Variants in GHR observed in about 807,000 individuals in gnomAD.
GHR encodes the protein GH receptor.
GHR carries 35 observed loss-of-function variants against 67.1 expected under a neutral mutation model. The observed-to-expected ratio is 0.52, with a 90% CI of 0.40 to 0.69. The LOEUF (loss-of-function observed/expected upper bound fraction) is 0.69. Ranked by LOEUF, GHR falls within the 30% of genes least tolerant of loss-of-function variation. The pLI is 0.00. For missense variants in GHR, 792 were observed against 764.6 expected (o/e 1.04, Z -0.42); for synonymous variants, 272 against 269.1 (o/e 1.01, Z -0.10).
rs980036515 is a variant in GHR, at chr5:42,477,357, T to G, written c.-12+53402T>G. ...CAATAAACATACGTGTGCATGTGTC[T>G]TTATAGCAGCATGATTTATAATCCT... is the stretch of plus-strand genomic sequence containing the variant. On this transcript the variant is annotated intron_variant, in intron 1 of 9. Coordinates refer to ENST00000230882, the MANE Select transcript of GHR (RefSeq NM_000163.5). 2.4e-4 allele frequency among the ~76,000 whole-genome samples: 36 copies of G among 152,208 alleles called. 1 individual carries two copies. The highest frequency in any genetic ancestry group is 1.3e-4 in the Non-Finnish European group (9 of 68,036).
At chr5:42,567,480 T>C (rs1374280866) in intron 2 of GHR, among the ~76,000 whole-genome samples, 2 of 152,210 alleles carry the variant, frequency 1.3e-5, no homozygotes, top group East Asian at 1.9e-4. Flanking sequence ...GTTTGATTCA[T>C]TTATTTGTTC....
chr5:42,650,677 A>T (rs1754980388), intron 3 of GHR, among the ~76,000 whole-genome samples: 1 of 151,098 alleles, frequency 6.6e-6, no homozygotes, highest in Non-Finnish European at 1.5e-5. Context: ...GGCGGCACTG[A>T]TGGTTGAAAT....
At chr5:42,576,121 AATAAAATAAAATAAAATAAAAT>A (rs1750710175) in intron 2 of GHR, among the ~76,000 whole-genome samples, 2 of 84,720 alleles carry the variant, frequency 2.4e-5, no homozygotes, top group African/African-American at 1.3e-4. Context: ...AATAAAATAA[AATAAAATAAAATAAAATAAAAT>A]AGTAAAGTAA....
chr5:42,564,863 T>A (rs1300179104), intron 1 of GHR, among the ~76,000 whole-genome samples: 1 of 152,206 alleles, frequency 6.6e-6, no homozygotes, highest in African/African-American at 2.4e-5. Flanking sequence ...TTGTAAATAG[T>A]GCAATTTTAT....
intron 1 of GHR, among the ~76,000 whole-genome samples, chr5:42,488,071 A>G (rs1745956597): frequency 6.6e-6 from 1 of 152,170 alleles, no homozygotes; most frequent in African/African-American, 2.4e-5. Context: ...TGCTGTGTGC[A>G]TGCTCTGGCT....
chr5:42,514,196 A>G (rs1360181138), intron 1 of GHR: 62 of 985,066 alleles, frequency 6.3e-5, no homozygotes, highest in Non-Finnish European at 7.2e-5. Flanking sequence ...TGCATTGACT[A>G]CCTACAAGTG....
chr5:42,586,013 C>T (rs573330063), intron 2 of GHR, among the ~76,000 whole-genome samples: 1 of 152,312 alleles, frequency 6.6e-6, no homozygotes, highest in East Asian at 1.9e-4. Context: ...TAGTGTCTAA[C>T]ACACAGAATT....
rs1754893866 is a variant in GHR, at chr5:42,649,183, C to T, written c.136+20080C>T. ...TCTCATCTGTAAACAAGTATAAATACTACCTACTTTATAAGCTCGTATGAA... is the reference window on the plus strand; with the variant it reads ...TCTCATCTGTAAACAAGTATAAATATTACCTACTTTATAAGCTCGTATGAA... On this transcript the variant is annotated intron_variant, in intron 3 of 9. Coordinates refer to ENST00000230882, the MANE Select transcript of GHR (RefSeq NM_000163.5). 2.0e-5 allele frequency among the ~76,000 whole-genome samples: 3 copies of T among 152,176 alleles called. No homozygotes were observed. In the South Asian group the frequency reaches 6.2e-4, roughly 31 times the overall value.
At position 42,425,604 on chromosome 5, in the gene GHR, G is replaced by A. The variant is rs145726041; in HGVS notation, c.-12+1649G>A. ...CCTTTTGAGAAAAGCAAAGCTCAGT[G>A]TTTCCAGATTAGATTTCAAGGAGTC... is the stretch of plus-strand genomic sequence containing the variant. On this transcript the variant is annotated intron_variant, in intron 1 of 9. Transcript: ENST00000230882. Among the ~76,000 whole-genome samples, 425 of 152,300 alleles carry A rather than the reference G, an allele frequency of 2.8e-3. 1 individual carries two copies. The highest frequency in any genetic ancestry group is 9.4e-3 in the African/African-American group (389 of 41,566).
chr5:42,591,284 G>C (rs1415067832), intron 2 of GHR, among the ~76,000 whole-genome samples: 1 of 152,248 alleles, frequency 6.6e-6, no homozygotes, highest in Non-Finnish European at 1.5e-5. Flanking sequence ...CATCAAAGGA[G>C]TGGCAGCAGC....
intron 1 of GHR, among the ~76,000 whole-genome samples, chr5:42,445,057 A>G (rs1743748303): frequency 1.3e-5 from 2 of 152,232 alleles, no homozygotes; most frequent in African/African-American, 4.8e-5. Context: ...CACATTTTTC[A>G]AATCAGAAAG....
chr5:42,561,026 C>T (rs73751211), intron 1 of GHR, among the ~76,000 whole-genome samples: 4,114 of 152,212 alleles, frequency 0.027, 194 homozygotes, highest in African/African-American at 0.094. Context: ...ATTTTAGGCC[C>T]TTTTATTCGT....
intron 1 of GHR, among the ~76,000 whole-genome samples, chr5:42,563,294 A>G (rs1167857829): frequency 6.6e-6 from 1 of 152,160 alleles, no homozygotes; most frequent in Admixed American, 6.5e-5. Flanking sequence ...TTAACACAGC[A>G]TCCAGTTCTT....
At chr5:42,505,146 CT>C (rs1231142704) in intron 1 of GHR, among the ~76,000 whole-genome samples, 2 of 106,104 alleles carry the variant, frequency 1.9e-5, no homozygotes, top group African/African-American at 7.0e-5. Context: ...TTCTTTCTTT[CT>C]TTTTTTGCCT....
At chr5:42,620,032 C>T (rs530506188) in intron 2 of GHR, among the ~76,000 whole-genome samples, 8 of 152,128 alleles carry the variant, frequency 5.3e-5, no homozygotes, top group Middle Eastern at 3.2e-3. Context: ...AATGCATTCA[C>T]GCGGGTGACA....
At chr5:42,574,106 G>T (rs115328717) in intron 2 of GHR, among the ~76,000 whole-genome samples, 1 of 152,166 alleles carries the variant, frequency 6.6e-6, no homozygotes, top group African/African-American at 2.4e-5. Flanking sequence ...ACATGCCACT[G>T]ACCCACTGCA....
intron 1 of GHR, among the ~76,000 whole-genome samples, chr5:42,453,016 G>A (rs1348853397): frequency 6.6e-6 from 1 of 151,210 alleles, no homozygotes; most frequent in Non-Finnish European, 1.5e-5. Context: ...TCTCATTTGG[G>A]TAGACTATTA....
intron 1 of GHR, among the ~76,000 whole-genome samples, chr5:42,541,030 T>C (rs1421885521): frequency 6.6e-6 from 1 of 151,892 alleles, no homozygotes; most frequent in Non-Finnish European, 1.5e-5. Flanking sequence ...CAATATCTAG[T>C]TGAATTACCC....
At chr5:42,690,348 G>T (rs933199248) in intron 4 of GHR, among the ~76,000 whole-genome samples, 3 of 152,194 alleles carry the variant, frequency 2.0e-5, no homozygotes, top group African/African-American at 7.2e-5. Flanking sequence ...CTCCTCATTT[G>T]CAGAAAGGAG....
Sources: allele counts gnomAD v4.1 joint callset (sites outside exome capture counted in the v4.1 genomes callset), GRCh38; gene constraint gnomAD v4.1.1; transcripts MANE v1.5; gene names NCBI Gene and HGNC (gene_info 2026-07-23, HGNC 2026-07-21).